EXOC2: variants seen among roughly 807,000 people sequenced by gnomAD.
EXOC2 encodes the protein exocyst complex component 2, also known as SEC5-like 1.
A neutral mutation model predicts 131.8 loss-of-function variants in EXOC2; 70 were observed. The observed-to-expected ratio is 0.53, with a 90% confidence interval of 0.44 to 0.65. The LOEUF is 0.65. EXOC2 is among the 30% of genes least tolerant of loss of function. EXOC2 has a pLI of 0.00. For missense variants in EXOC2, 923 were observed against 1,108.6 expected (o/e 0.83, Z 2.38); for synonymous variants, 411 against 398.4 (o/e 1.03, Z -0.38).
Position 497,376 on chromosome 6 carries a change from T to A in EXOC2, c.2550A>T (p.Gly850=). ...TGAATGATTTTGTTACCTGTAAAGC[T>A]CCATTTTTGCTGAAGGATGAAACAC... ...MQCVSSFSKN[G]ALQARLEICA... The change falls in exon 25 of 28, where the codon GGA becomes GGT. Residue 850 remains glycine (G), a synonymous_variant. Coordinates refer to ENST00000230449, the MANE Select transcript of EXOC2 (RefSeq NM_018303.6). 1 of 1,613,690 alleles carries A rather than the reference T, an allele frequency of 6.2e-7. No homozygotes were observed. The highest frequency in any genetic ancestry group is 8.5e-7 in the Non-Finnish European group (1 of 1,179,840).
chr6:486,084 C>A lies in EXOC2; in HGVS notation c.*587G>T, dbSNP rs1266511593. 1 of 152,178 alleles carries A rather than the reference C, an allele frequency of 6.6e-6. No homozygotes were observed. Among genetic ancestry groups the A allele is most frequent in the East Asian group, 1.9e-4 (1 of 5,204 alleles). 9.4% of individuals were successfully genotyped at this position (152,178 alleles called of 1,614,324 possible). A position where few individuals can be genotyped will look rare whatever the true frequency, so the allele number is the denominator to read the frequency against. On this transcript the variant is annotated 3_prime_UTR_variant, in exon 28 of 28. Transcript: ENST00000230449. ...AAAACGCAAAGTTAAATCACAGACA[C>A]CTGGACCACAAATAATCTACCCCAG...
At position 568,244 on chromosome 6, in the gene EXOC2, A is replaced by C. The variant is rs192038131; in HGVS notation, c.1444-3315T>G. ...ACGGCAGAACCTCTCCGGGATGTGG[A>C]TGGGCCTCGCTCAATCAGTTGAAGG... is the stretch of plus-strand genomic sequence containing the variant. On this transcript the variant is annotated intron_variant, in intron 13 of 27. Coordinates refer to ENST00000230449, the MANE Select transcript of EXOC2 (RefSeq NM_018303.6). Among the ~76,000 whole-genome samples the C allele has an allele frequency of 1.1e-3, 161 of 152,308 alleles. 1 individual carries two copies. Among genetic ancestry groups the C allele is most frequent in the African/African-American group, 3.7e-3 (154 of 41,572 alleles).
At chr6:590,211 A>G (rs929471852) in intron 11 of EXOC2, among the ~76,000 whole-genome samples, 4 of 152,220 alleles carry the variant, frequency 2.6e-5, no homozygotes, top group African/African-American at 9.6e-5. Flanking sequence ...GGTTGAATCA[A>G]CAGAGAAATA....
intron 21 of EXOC2, among the ~76,000 whole-genome samples, chr6:549,595 T>A (rs1336942977): frequency 6.6e-6 from 1 of 152,246 alleles, no homozygotes; most frequent in Non-Finnish European, 1.5e-5. Context: ...AGCTGGGAAC[T>A]GGGATCAGTG....
At chr6:510,408 A>G (rs192562075) in intron 23 of EXOC2, among the ~76,000 whole-genome samples, 37 of 151,920 alleles carry the variant, frequency 2.4e-4, no homozygotes, top group Non-Finnish European at 4.3e-4. Context: ...CATCAGTAGG[A>G]TCTCTTATTG....
At chr6:494,067 ACTC>A (rs1763585782) in intron 25 of EXOC2, among the ~76,000 whole-genome samples, 1 of 152,182 alleles carries the variant, frequency 6.6e-6, no homozygotes, top group African/African-American at 2.4e-5. Context: ...AGTTTATACT[ACTC>A]ATCTCCTGTG....
intron 9 of EXOC2, among the ~76,000 whole-genome samples, chr6:598,576 T>C (rs1759949431): frequency 1.3e-5 from 2 of 152,200 alleles, no homozygotes; most frequent in South Asian, 4.1e-4. Context: ...AGAAAATACT[T>C]GTCATTGATT....
intron 25 of EXOC2, among the ~76,000 whole-genome samples, chr6:494,487 A>C (rs1476741868): frequency 4.6e-5 from 7 of 151,904 alleles, no homozygotes. Context: ...ACAACAGACA[A>C]ATCTCGAAGT....
At chr6:647,709 A>G (rs1428212305) in intron 1 of EXOC2, among the ~76,000 whole-genome samples, 1 of 145,840 alleles carries the variant, frequency 6.9e-6, no homozygotes, top group Non-Finnish European at 1.5e-5. Context: ...TCTGGTCTCA[A>G]AGAACGCAAA....
At chr6:495,879 G>A (rs1469983994) in intron 25 of EXOC2, among the ~76,000 whole-genome samples, 7 of 151,594 alleles carry the variant, frequency 4.6e-5, no homozygotes, top group African/African-American at 9.8e-5. Flanking sequence ...CCCACGGGTC[G>A]AGAGCTCCGC....
chr6:566,596 G>A (rs1049162534), intron 13 of EXOC2, among the ~76,000 whole-genome samples: 1 of 152,210 alleles, frequency 6.6e-6, no homozygotes. Flanking sequence ...TTGGTGGTAT[G>A]GGGTATGGGC....
chr6:576,468 T>C (rs188803958), intron 12 of EXOC2, among the ~76,000 whole-genome samples: 15 of 152,308 alleles, frequency 9.8e-5, no homozygotes, highest in Non-Finnish European at 7.4e-5. Context: ...TCTGTGGCAC[T>C]TTAAAAAAAT....
intron 1 of EXOC2, among the ~76,000 whole-genome samples, chr6:678,936 C>T (rs1430149975): frequency 1.3e-5 from 2 of 152,080 alleles, no homozygotes; most frequent in East Asian, 3.9e-4. Flanking sequence ...GCTTACATAA[C>T]TTCAAACATC....
intron 15 of EXOC2, among the ~76,000 whole-genome samples, 188 bp from the exon 16 acceptor site, chr6:564,342 G>A (rs564980496): frequency 2.6e-5 from 4 of 152,268 alleles, no homozygotes; most frequent in South Asian, 2.1e-4. Flanking sequence ...GAGAAGATGC[G>A]TAAACTCAAG....
chr6:487,503 T>G (rs1763144820), intron 27 of EXOC2, among the ~76,000 whole-genome samples: 1 of 152,182 alleles, frequency 6.6e-6, no homozygotes, highest in African/African-American at 2.4e-5. Flanking sequence ...ACCTCCCGGA[T>G]TCAAGCAATT....
chr6:569,158 CTT>C (rs1758135229), intron 13 of EXOC2, among the ~76,000 whole-genome samples: 2 of 152,146 alleles, frequency 1.3e-5, no homozygotes, highest in Admixed American at 6.5e-5. Context: ...AATGCTGACT[CTT>C]AATATTCATC....
At chr6:611,110 A>C (rs1760692210) in intron 6 of EXOC2, among the ~76,000 whole-genome samples, 1 of 152,210 alleles carries the variant, frequency 6.6e-6, no homozygotes, top group African/African-American at 2.4e-5. Flanking sequence ...CTGTAAGGAA[A>C]GGAGATGGAC....
At chr6:691,225 C>T (rs1441893747) in intron 1 of EXOC2, among the ~76,000 whole-genome samples, 1 of 152,156 alleles carries the variant, frequency 6.6e-6, no homozygotes, top group African/African-American at 2.4e-5. Context: ...AATGGGCTCC[C>T]AAGAACTTAG....
chr6:530,212 G>C (rs1246693006), intron 23 of EXOC2, among the ~76,000 whole-genome samples: 1 of 152,198 alleles, frequency 6.6e-6, no homozygotes. Context: ...CTTTCCTACT[G>C]AGAAAATTTT....
Sources: gnomAD v4.1 joint callset for allele counts (sites outside exome capture counted in the v4.1 genomes callset) on GRCh38, gnomAD v4.1.1 for gene constraint, MANE v1.5 for transcripts, NCBI Gene and HGNC (gene_info 2026-07-23, HGNC 2026-07-21) for gene names.